Variants in TECTA observed in about 807,000 individuals in gnomAD.
TECTA encodes alpha-tectorin.
Under a neutral mutation model 216.8 loss-of-function variants are expected in TECTA, and 128 were observed. The ratio of observed to expected loss-of-function variants is 0.59; its 90% CI spans 0.51 to 0.68. TECTA has a LOEUF of 0.68. Among genes scored for constraint, TECTA ranks in the 30% least tolerant of loss-of-function variants. TECTA has a pLI of 0.00. For missense variants in TECTA, 2,551 were observed against 2,786.2 expected (o/e 0.92, Z 1.90); for synonymous variants, 1,089 against 1,117.1 (o/e 0.97, Z 0.50).
In TECTA at chr11:121,168,834, G is replaced by C; in HGVS notation, c.5908G>C (p.Ala1970Pro). The C allele has an allele frequency of 6.2e-7, 1 of 1,614,066 alleles. No homozygotes were observed. Among genetic ancestry groups the C allele is most frequent in the Non-Finnish European group, 8.5e-7 (1 of 1,180,012 alleles). Residue 1970 changes from alanine (A) to proline (P), a missense_variant, in exon 20 of 24, where the codon GCC becomes CCC. Transcript: ENST00000392793. ...YVGVFVVGADATHLILTLNKC... is the reference protein window; with the variant it reads ...YVGVFVVGADPTHLILTLNKC... The stretch of plus-strand genomic sequence containing the variant: ...AGGGGTTTTTGTGGTTGGAGCTGAC[G>C]CCACACATTTAATCCTAACACTCAA...
rs750520238 is a variant in TECTA, at chr11:121,125,666, A to G, written c.1568A>G (p.Tyr523Cys). 15 of 1,610,450 alleles carry G rather than the reference A, an allele frequency of 9.3e-6. No homozygotes were observed. In the African/African-American group the frequency reaches 1.3e-4, roughly 14 times the overall value. Reference protein sequence around the residue: ...ATEALYFGSDYCGFLNKTDGP... With the variant: ...ATEALYFGSDCCGFLNKTDGP... ...GAAGCCCTCTACTTTGGCTCTGACT[A>G]CTGCGGCTTCCTCAACAAGACAGAC... is the stretch of plus-strand genomic sequence containing the variant. The change falls in exon 8 of 24, where the codon TAC becomes TGC. Residue 523 changes from tyrosine (Y) to cysteine (C), a missense_variant. Coordinates refer to ENST00000392793, the MANE Select transcript of TECTA (RefSeq NM_005422.4).
chr11:121,169,748 T>G, intron 20 of TECTA, among the ~76,000 whole-genome samples: 1 of 152,200 alleles, frequency 6.6e-6, no homozygotes, highest in East Asian at 1.9e-4. Context: ...ATTGATACAT[T>G]TACATATTTA....
intron 20 of TECTA, among the ~76,000 whole-genome samples, chr11:121,181,018 T>C (rs1333708667): frequency 6.6e-6 from 1 of 151,910 alleles, no homozygotes; most frequent in Non-Finnish European, 1.5e-5. Context: ...ATACAAAAAA[T>C]TAGCCAGGTC....
Position 121,109,399 on chromosome 11 carries a change from C to T in TECTA, c.387C>T (p.Ile129=). Residue 129 remains isoleucine (I), a synonymous_variant, in exon 4 of 24, where the codon ATC becomes ATT. Coordinates refer to ENST00000392793, the MANE Select transcript of TECTA (RefSeq NM_005422.4). The stretch of plus-strand genomic sequence containing the variant: ...TCTTGAAAAGAGCCACCAAGGACAT[C>T]AGGAAGTACTTCAAAGACATGGCAA... The part of the protein sequence containing the change: ...PAILKRATKD[I]RKYFKDMATF... 1 of 1,614,178 alleles carries T rather than the reference C, an allele frequency of 6.2e-7. No homozygotes were observed. Among genetic ancestry groups the T allele is most frequent in the Non-Finnish European group, 8.5e-7 (1 of 1,180,020 alleles).
intron 12 of TECTA, among the ~76,000 whole-genome samples, chr11:121,152,050 G>A (rs1335012446): frequency 1.3e-5 from 2 of 152,250 alleles, no homozygotes; most frequent in African/African-American, 2.4e-5. Context: ...TGTATTTATA[G>A]ATAAGAAAGC....
chr11:121,127,532 T>A lies in TECTA; in HGVS notation c.1775-220T>A, dbSNP rs1195727764. Among the ~76,000 whole-genome samples the A allele has an allele frequency of 6.6e-6, 1 of 152,172 alleles. No homozygotes were observed. The highest frequency in any genetic ancestry group is 1.5e-5 in the Non-Finnish European group (1 of 68,004). On this transcript the variant is annotated intron_variant, in intron 8 of 23. Coordinates refer to ENST00000392793, the MANE Select transcript of TECTA (RefSeq NM_005422.4). This position sits in a 1 kb window ranked among gnomAD's most constrained non-coding sequence, Gnocchi z 5.0. ...TTTAATTTTAGTCAAGATGATCAAA[T>A]TCCAATAGAAGTTCACAGTCCAATC...
intron 9 of TECTA, 135 bp from the exon 10 acceptor site, chr11:121,129,503 T>C: frequency 1.2e-6 from 1 of 851,552 alleles, no homozygotes; most frequent in South Asian, 1.4e-5. Flanking sequence ...GTTGGTATCT[T>C]TGTGGGTTCC....
chr11:121,137,233 T>C (rs1163246404), intron 10 of TECTA, among the ~76,000 whole-genome samples, 188 bp from the exon 11 acceptor site: 2 of 151,182 alleles, frequency 1.3e-5, no homozygotes, highest in Admixed American at 6.6e-5. Flanking sequence ...TGCACACACA[T>C]GCACTCGCAC....
chr11:121,106,031 T>C, intron 3 of TECTA, 67 bp downstream of exon 3: 1 of 1,611,690 alleles, frequency 6.2e-7, no homozygotes, highest in Non-Finnish European at 8.5e-7. Flanking sequence ...AAGAAAAGCA[T>C]TTTAAGTATC....
intron 10 of TECTA, 134 bp downstream of exon 10, chr11:121,130,345 G>C (rs949906206): frequency 1.0e-6 from 1 of 1,002,324 alleles, no homozygotes; most frequent in African/African-American, 1.6e-5. Context: ...ACCTACCCTA[G>C]TCTGATGTGT....
intron 15 of TECTA, 86 bp from the exon 16 acceptor site, chr11:121,161,989 T>G: frequency 6.3e-7 from 1 of 1,577,674 alleles, no homozygotes. Context: ...TGCACTAGCT[T>G]CAGGGGTAGC....
In TECTA at chr11:121,152,982, G is replaced by A. The variant is rs200563210; in HGVS notation, c.4207G>A (p.Val1403Met). The A allele has an allele frequency of 1.7e-5, 28 of 1,614,082 alleles. No individual in the cohort carries two copies. The highest frequency in any genetic ancestry group is 5.0e-5 in the Admixed American group (3 of 60,014). Residue 1403 changes from valine to methionine, a missense_variant, in exon 13 of 24, where the codon GTG becomes ATG. By Grantham distance (21) the Val-to-Met change is conservative. This residue lies in a region of TECTA where 2,375 missense variants were observed against 2,563.9 expected (regional missense o/e 0.93). Coordinates refer to ENST00000392793, the MANE Select transcript of TECTA (RefSeq NM_005422.4). ...GAAGAGTGACTGCAGCCACTACTGC[G>A]TGGAGGGCTGTCACTGCGACGCTGG... ...RLKSDCSHYC[V>M]EGCHCDAGYV...
At chr11:121,155,457 G>A (rs1946931962) in intron 13 of TECTA, among the ~76,000 whole-genome samples, 1 of 152,178 alleles carries the variant, frequency 6.6e-6, no homozygotes, top group Admixed American at 6.5e-5. Context: ...CATAAGTCTG[G>A]AAGGAGAGTA....
intron 20 of TECTA, among the ~76,000 whole-genome samples, chr11:121,178,009 G>A (rs936306774): frequency 5.9e-5 from 9 of 152,224 alleles, no homozygotes; most frequent in East Asian, 1.9e-4. Flanking sequence ...CTCCTGATGC[G>A]CTGTTTTTTA....
At position 121,113,595 on chromosome 11, in the gene TECTA, C is replaced by T; in HGVS notation, c.667C>T (p.Pro223Ser). ...AAACCTCACCAATTTCTTCAGCCTC[C>T]CGGGGTCAAGAACCCCCGAGATCGT... Reference protein sequence around the residue: ...GGNLTNFFSLPGSRTPEIVNI... With the variant: ...GGNLTNFFSLSGSRTPEIVNI... Residue 223 changes from proline to serine, a missense_variant, in exon 6 of 24, where the codon CCG (proline) becomes TCG (serine). Coordinates refer to ENST00000392793, the MANE Select transcript of TECTA (RefSeq NM_005422.4). The surrounding 1 kb of genome is among the most constrained non-coding windows in gnomAD (Gnocchi z 4.2). The T allele has an allele frequency of 6.2e-7, 1 of 1,613,824 alleles. No individual in the cohort carries two copies. Among genetic ancestry groups the T allele is most frequent in the Non-Finnish European group, 8.5e-7 (1 of 1,179,984 alleles).
chr11:121,127,617 T>A lies in TECTA; in HGVS notation c.1775-135T>A. 1 of 961,276 alleles carries A rather than the reference T, an allele frequency of 1.0e-6. No homozygotes were observed. Among genetic ancestry groups the A allele is most frequent in the Admixed American group, 1.8e-5 (1 of 55,106 alleles). The allele number at this position is 961,276 out of a possible 1,614,324, so 59.5% of individuals were successfully genotyped here. ...CTGGGTTTTACAGATACAACCTCAA[T>A]TCTGTCTTCCCCGAGTGGCCGCTTG... On this transcript the variant is annotated intron_variant, in intron 8 of 23. Transcript: ENST00000392793. This position sits in a 1 kb window ranked among gnomAD's most constrained non-coding sequence, Gnocchi z 5.0.
At chr11:121,122,935 A>G (rs1196299481) in intron 7 of TECTA, among the ~76,000 whole-genome samples, 3 of 152,196 alleles carry the variant, frequency 2.0e-5, no homozygotes, top group African/African-American at 4.8e-5. Flanking sequence ...AAAAGCCTAC[A>G]TTGTAGTGAA....
Position 121,190,828 on chromosome 11 carries a change from A to T in TECTA, c.*22A>T. 1.3e-6 allele frequency: 2 copies of T among 1,564,122 alleles called. No homozygotes were observed. Among genetic ancestry groups the T allele is most frequent in the African/African-American group, 1.4e-5 (1 of 74,040 alleles). ...ATAATTAACTCAAGGTTGCTATATA[A>T]AGTACTGTAATTTACTTACTTCAAC... On this transcript the variant is annotated 3_prime_UTR_variant, in exon 24 of 24. Coordinates refer to ENST00000392793, the MANE Select transcript of TECTA (RefSeq NM_005422.4).
Position 121,162,083 on chromosome 11 carries a change from C to T in TECTA, c.4985C>T (p.Ala1662Val). 4 of 1,613,982 alleles carry T rather than the reference C, an allele frequency of 2.5e-6. No individual in the cohort carries two copies. The highest frequency in any genetic ancestry group is 3.4e-6 in the Non-Finnish European group (4 of 1,180,032). ...TCACTCAGTCTGACCAGACCTCTTGCCCCCAGCTGCAACGAGCTGCAGTTC... is the reference window on the plus strand; with the variant it reads ...TCACTCAGTCTGACCAGACCTCTTGTCCCCAGCTGCAACGAGCTGCAGTTC... Reference protein sequence around the residue: ...KTNGMQKRPLAPSCNELQFSQ... With the variant: ...KTNGMQKRPLVPSCNELQFSQ... The change falls in exon 16 of 24, where the codon GCC (alanine) becomes GTC (valine). Residue 1662 changes from alanine to valine, a missense_variant. Physicochemically the swap from Ala to Val is moderately conservative, Grantham distance 64. This residue lies in a region of TECTA where 2,375 missense variants were observed against 2,563.9 expected (regional missense o/e 0.93). Transcript: ENST00000392793.
Sources: allele counts gnomAD v4.1 joint callset (sites outside exome capture counted in the v4.1 genomes callset), GRCh38; gene constraint gnomAD v4.1.1; regional missense constraint gnomAD v4.1.1; non-coding constraint Gnocchi (gnomAD v3.1); transcripts MANE v1.5; gene names NCBI Gene and HGNC (gene_info 2026-07-23, HGNC 2026-07-21).